The following HIVEP1 variants were observed in gnomAD, a reference collection of about 807,000 sequenced individuals.
HIVEP1 encodes the protein HIVEP zinc finger 1.
A neutral mutation model predicts 180.0 loss-of-function variants in HIVEP1; 36 were observed. The ratio of observed to expected loss-of-function variants is 0.20; its 90% CI spans 0.15 to 0.26. HIVEP1 has a LOEUF of 0.26. Ranked by LOEUF, HIVEP1 falls within the 10% of genes least tolerant of loss-of-function variation. HIVEP1 has a pLI of 1.00. For missense variants in HIVEP1, 3,143 were observed against 3,268.7 expected (o/e 0.96, Z 0.94); for synonymous variants, 1,239 against 1,239.0 (o/e 1.00, Z 0.00).
chr6:12,060,253 G>A (rs1009185181), intron 2 of HIVEP1, among the ~76,000 whole-genome samples: 3 of 152,150 alleles, frequency 2.0e-5, no homozygotes, highest in East Asian at 1.9e-4. Context: ...TTGTTAATGG[G>A]GATTTACATC....
chr6:12,041,420 TAAAAAAAAAAAA>T (rs34364704), intron 2 of HIVEP1, among the ~76,000 whole-genome samples: 39 of 52,278 alleles, frequency 7.5e-4, no homozygotes, highest in African/African-American at 3.0e-3. Flanking sequence ...AGACTCCGTC[TAAAAAAAAAAAA>T]AAAAAAAAAA....
At chr6:12,058,106 G>C (rs1314382231) in intron 2 of HIVEP1, among the ~76,000 whole-genome samples, 2 of 152,262 alleles carry the variant, frequency 1.3e-5, no homozygotes, top group East Asian at 3.9e-4. Flanking sequence ...GCTTTAGTGT[G>C]AGAAGGAAGG....
At chr6:12,094,941 T>C (rs1023513672) in intron 3 of HIVEP1, among the ~76,000 whole-genome samples, 2 of 152,072 alleles carry the variant, frequency 1.3e-5, no homozygotes, top group South Asian at 4.1e-4. Context: ...CCAAGTGTAC[T>C]TAACAATAAG....
rs564272164 is a variant in HIVEP1 at position 12,121,932 on chromosome 6, C to T, written c.2137C>T (p.Leu713Phe). The stretch of plus-strand genomic sequence containing the variant: ...AAGGAGTAACGGACCCTCTGCAGCT[C>T]TTGTCACCACGTCAACACCCTCTGC... Reference protein sequence around the residue: ...SGRSNGPSAALVTTSTPSALP... With the variant: ...SGRSNGPSAAFVTTSTPSALP... Residue 713 changes from leucine (L) to phenylalanine (F), a missense_variant, in exon 4 of 9, where the codon CTT (leucine) becomes TTT (phenylalanine). Physicochemically the swap from Leu to Phe is conservative, Grantham distance 22. Transcript: ENST00000379388. This position sits in a 1 kb window ranked among gnomAD's most constrained non-coding sequence, Gnocchi z 5.3. The T allele has an allele frequency of 2.3e-5, 37 of 1,614,170 alleles. No individual in the cohort carries two copies. In the East Asian group the frequency reaches 7.6e-4, roughly 33 times the overall value.
At chr6:12,138,914 A>G (rs1434050260) in intron 7 of HIVEP1, among the ~76,000 whole-genome samples, 1 of 151,652 alleles carries the variant, frequency 6.6e-6, no homozygotes, top group Non-Finnish European at 1.5e-5. Flanking sequence ...TGTTGCCTCT[A>G]ATCTACCAGT....
chr6:12,193,153 T>A, the HIVEP1 span, among the ~76,000 whole-genome samples: 1 of 152,222 alleles, frequency 6.6e-6, no homozygotes, highest in Non-Finnish European at 1.5e-5. Flanking sequence ...GCTTAACATA[T>A]TATTCTTATA....
intron 2 of HIVEP1, among the ~76,000 whole-genome samples, chr6:12,053,718 G>A (rs1206468746): frequency 6.6e-6 from 1 of 152,082 alleles, no homozygotes; most frequent in African/African-American, 2.4e-5. Context: ...GGAGAGAAAA[G>A]AAAACATTAA....
chr6:12,021,043 ACCACG>A (rs1168404252), intron 2 of HIVEP1, among the ~76,000 whole-genome samples: 5 of 151,918 alleles, frequency 3.3e-5, no homozygotes, highest in African/African-American at 1.2e-4. Flanking sequence ...GGCGCCTGCC[ACCACG>A]CACAGCTAAT....
chr6:12,208,560 G>A, the HIVEP1 span, among the ~76,000 whole-genome samples: 1 of 152,160 alleles, frequency 6.6e-6, no homozygotes, highest in East Asian at 1.9e-4. Flanking sequence ...TTCATATGTT[G>A]AAGTCCCAAA....
At chr6:12,203,230 G>A in the HIVEP1 span, among the ~76,000 whole-genome samples, 2 of 152,262 alleles carry the variant, frequency 1.3e-5, no homozygotes, top group East Asian at 3.9e-4. Flanking sequence ...TGGTAGCTTC[G>A]CTTTACACTC....
chr6:12,164,532 T>G lies in HIVEP1; in HGVS notation c.*71T>G. 8.6e-7 allele frequency: 1 copy of G among 1,164,518 alleles called. No homozygotes were observed. Among genetic ancestry groups the G allele is most frequent in the South Asian group, 1.6e-5 (1 of 62,026 alleles). The allele number at this position is 1,164,518 out of a possible 1,614,324, so 72.1% of individuals were successfully genotyped here. A position where few individuals can be genotyped will look rare whatever the true frequency, so the allele number is the denominator to read the frequency against. ...GTTTCTTTGAAAACCCTCCTTTCCT[T>G]AAAGCACATTTTTCTGACATAAACT... is the stretch of plus-strand genomic sequence containing the variant. On this transcript the variant is annotated 3_prime_UTR_variant, in exon 9 of 9. Coordinates refer to ENST00000379388, the MANE Select transcript of HIVEP1 (RefSeq NM_002114.4).
At chr6:12,046,240 A>G (rs1370610800) in intron 2 of HIVEP1, among the ~76,000 whole-genome samples, 3 of 152,238 alleles carry the variant, frequency 2.0e-5, no homozygotes, top group Non-Finnish European at 4.4e-5. Context: ...GTAGCAGTCT[A>G]AAAATTAACC....
intron 7 of HIVEP1, among the ~76,000 whole-genome samples, chr6:12,159,023 C>CTTGACTCTAACAGATA (rs1562011529): frequency 6.6e-6 from 1 of 152,142 alleles, no homozygotes; most frequent in African/African-American, 2.4e-5. Context: ...GCAGCCCACT[C>CTTGACTCTAACAGATA]TTGACTCTAA....
intron 7 of HIVEP1, among the ~76,000 whole-genome samples, chr6:12,145,227 A>G (rs776141318): frequency 6.6e-6 from 1 of 152,136 alleles, no homozygotes; most frequent in Non-Finnish European, 1.5e-5. Flanking sequence ...GCAGACTTGG[A>G]TGCAGCTGGA....
Position 12,099,183 on chromosome 6 carries a change from G to GTTT in HIVEP1, c.94+9960_94+9962dup, listed in dbSNP as rs66482971. Among the ~76,000 whole-genome samples, 24 of 138,434 alleles carry GTTT rather than the reference G, an allele frequency of 1.7e-4. 1 individual carries two copies. Among genetic ancestry groups the GTTT allele is most frequent in the South Asian group, 4.6e-4 (2 of 4,320 alleles). 90.8% of individuals were successfully genotyped at this position (138,434 alleles called of 152,430 possible). A position where few individuals can be genotyped will look rare whatever the true frequency, so the allele number is the denominator to read the frequency against. ...AGGAGCCAGAGGGAAATGTCACTGA[G>GTTT]TTTTTTTTTTTTTTTTGAGACGGAG... On this transcript the variant is annotated intron_variant, in intron 3 of 8. Transcript: ENST00000379388.
chr6:12,013,358 GTAT>G (rs1216476229), intron 1 of HIVEP1, among the ~76,000 whole-genome samples: 1 of 152,148 alleles, frequency 6.6e-6, no homozygotes, highest in Non-Finnish European at 1.5e-5. Context: ...GCTCCATGTA[GTAT>G]TTATTTCTTT....
intron 3 of HIVEP1, among the ~76,000 whole-genome samples, chr6:12,112,732 G>A (rs1774979822): frequency 6.6e-6 from 1 of 152,086 alleles, no homozygotes; most frequent in Non-Finnish European, 1.5e-5. Flanking sequence ...CACAGGGCTG[G>A]GCTTCTGGAT....
intron 2 of HIVEP1, chr6:12,037,985 G>A (rs1769405647): frequency 2.6e-6 from 1 of 383,842 alleles, no homozygotes; most frequent in Non-Finnish European, 4.6e-6. Flanking sequence ...AAAGCACTGA[G>A]ATTACAGGCA....
intron 1 of HIVEP1, chr6:12,012,835 C>G (rs1767462213): frequency 6.5e-6 from 1 of 153,298 alleles, no homozygotes; most frequent in African/African-American, 2.4e-5. Context: ...GCCGCAGACG[C>G]ATTTTGCAAG....
Sources: gnomAD v4.1 joint callset for allele counts (sites outside exome capture counted in the v4.1 genomes callset) on GRCh38, gnomAD v4.1.1 for gene constraint, Gnocchi (gnomAD v3.1) non-coding constraint, MANE v1.5 for transcripts, NCBI Gene and HGNC (gene_info 2026-07-23, HGNC 2026-07-21) for gene names.